Variants in PAN3 observed in about 807,000 individuals in gnomAD.
PAN3 encodes the protein poly(A) specific ribonuclease subunit PAN3.
In PAN3, 19 loss-of-function variants were observed where a neutral mutation model predicts 96.2. The observed-to-expected ratio is 0.20, with a 90% CI of 0.14 to 0.29. The LOEUF is 0.29. Among genes scored for constraint, PAN3 ranks in the 10% least tolerant of loss-of-function variants. The probability of loss-of-function intolerance (pLI) is 1.00; values close to 1 mark genes in which losing one functional copy is unlikely to be tolerated. For missense variants in PAN3, 882 were observed against 1,108.1 expected (o/e 0.80, Z 2.90); for synonymous variants, 433 against 406.6 (o/e 1.06, Z -0.78).
chr13:28,221,233 T>C (rs1042048316), intron 6 of PAN3, among the ~76,000 whole-genome samples: 1 of 152,114 alleles, frequency 6.6e-6, no homozygotes, highest in African/African-American at 2.4e-5. Context: ...TCACATTGAA[T>C]TCATAGTAAG....
intron 9 of PAN3, among the ~76,000 whole-genome samples, chr13:28,261,882 G>A (rs1362392047): frequency 6.7e-6 from 1 of 148,922 alleles, no homozygotes; most frequent in African/African-American, 2.5e-5. Context: ...TGATCATCTA[G>A]TTTATTTCTG....
intron 6 of PAN3, among the ~76,000 whole-genome samples, chr13:28,226,145 G>A (rs982785002): frequency 5.3e-5 from 8 of 152,104 alleles, no homozygotes; most frequent in Non-Finnish European, 1.0e-4. Flanking sequence ...GCGTTTTAGG[G>A]CTCTACGTTA....
rs1426808022 is a variant in PAN3, at chr13:28,260,547, G to A, written c.1349G>A (p.Arg450Gln). The change falls in exon 8 of 19, where the codon CGA becomes CAA. Residue 450 changes from arginine to glutamine, a missense_variant. Physicochemically the swap from Arg to Gln is conservative, Grantham distance 43 (BLOSUM62 1). Transcript: ENST00000380958. ...TCCTTCTTCATGGCTGATGAACTCC[G>A]ACAGGTATGCTTTCAGAATTCATAG... Reference protein sequence around the residue: ...APSFFMADELRQELINRHLIT... With the variant: ...APSFFMADELQQELINRHLIT... 3 of 1,606,520 alleles carry A rather than the reference G, an allele frequency of 1.9e-6. No individual in the cohort carries two copies. Among genetic ancestry groups the A allele is most frequent in the Non-Finnish European group, 2.6e-6 (3 of 1,173,340 alleles).
intron 1 of PAN3, among the ~76,000 whole-genome samples, chr13:28,154,398 T>TC (rs1350501991): frequency 1.6e-4 from 24 of 152,246 alleles, no homozygotes; most frequent in African/African-American, 4.3e-4. Flanking sequence ...GTTTTTTTTT[T>TC]CTTACTATAG....
At chr13:28,177,729 A>G (rs1049890820) in intron 3 of PAN3, 136 bp from the exon 4 acceptor site, 7 of 684,564 alleles carry the variant, frequency 1.0e-5, no homozygotes, top group Middle Eastern at 2.5e-4. Context: ...AAAATATTTG[A>G]ACATAACTGT....
chr13:28,233,864 C>T (rs1311909582), intron 6 of PAN3, among the ~76,000 whole-genome samples: 1 of 152,206 alleles, frequency 6.6e-6, no homozygotes, highest in African/African-American at 2.4e-5. Flanking sequence ...ATCAGAAATT[C>T]TGTTTTATTG....
At chr13:28,158,091 A>G (rs979018811) in intron 1 of PAN3, among the ~76,000 whole-genome samples, 2 of 152,224 alleles carry the variant, frequency 1.3e-5, no homozygotes, top group Non-Finnish European at 2.9e-5. Flanking sequence ...AAAACGAGCA[A>G]TGGGGAAAGG....
Position 28,138,689 on chromosome 13 carries a change from C to CGAGGGGGGCGGGA in PAN3, c.33_34insAGGGGGGCGGGAG (p.Ala12ArgfsTer47). 1 of 1,000,994 alleles carries CGAGGGGGGCGGGA rather than the reference C, an allele frequency of 1.0e-6. No homozygotes were observed. Among genetic ancestry groups the CGAGGGGGGCGGGA allele is most frequent in the South Asian group, 2.5e-5 (1 of 39,406 alleles). 62.0% of individuals were successfully genotyped at this position (1,000,994 alleles called of 1,614,324 possible). On this transcript the variant is annotated frameshift_variant, in exon 1 of 19. Coordinates refer to ENST00000380958, the MANE Select transcript of PAN3 (RefSeq NM_175854.8). LOFTEE classifies it high-confidence loss of function. ...AGTGGCGGCGGCCTCCCGCCCCCCT[C>CGAGGGGGGCGGGA]GGCCGCCGCCTCCCCTTCCTCCTCC...
chr13:28,270,839 C>G lies in PAN3; in HGVS notation c.1931C>G (p.Thr644Arg). ...AGLACRVMDP[T>R]KILITGKTRL... ...TTGGCATGTCGAGTTATGGATCCAA[C>G]AAAGATTCTGATAACTGGCAAAACA... is the stretch of plus-strand genomic sequence containing the variant. The change falls in exon 13 of 19, where the codon ACA becomes AGA. Residue 644 changes from threonine (T) to arginine (R), a missense_variant. This residue lies in a region of PAN3 where 364 missense variants were observed against 513.6 expected (regional missense o/e 0.71). Transcript: ENST00000380958. The G allele has an allele frequency of 6.2e-7, 1 of 1,613,772 alleles. No individual in the cohort carries two copies. The highest frequency in any genetic ancestry group is 8.5e-7 in the Non-Finnish European group (1 of 1,179,770).
At chr13:28,207,374 T>G (rs971282646) in intron 5 of PAN3, among the ~76,000 whole-genome samples, 1 of 152,196 alleles carries the variant, frequency 6.6e-6, no homozygotes, top group Non-Finnish European at 1.5e-5. Flanking sequence ...GGTTTCCTGC[T>G]TCTAGTCTTC....
intron 1 of PAN3, among the ~76,000 whole-genome samples, chr13:28,165,032 C>T (rs1348639627): frequency 6.6e-6 from 1 of 152,134 alleles, no homozygotes; most frequent in African/African-American, 2.4e-5. Flanking sequence ...CTCAGCCTCC[C>T]GAGTAGCTGG....
At chr13:28,232,072 T>C (rs1882627767) in intron 6 of PAN3, among the ~76,000 whole-genome samples, 1 of 152,200 alleles carries the variant, frequency 6.6e-6, no homozygotes, top group Non-Finnish European at 1.5e-5. Context: ...CCTTTATATT[T>C]ACCCAAAAGT....
chr13:28,188,444 T>G (rs1320850745), intron 4 of PAN3, among the ~76,000 whole-genome samples: 3 of 152,040 alleles, frequency 2.0e-5, no homozygotes, highest in Admixed American at 2.0e-4. Flanking sequence ...ACAAAAAATT[T>G]TAAACAGTTA....
At chr13:28,141,791 A>T (rs9579164) in intron 1 of PAN3, among the ~76,000 whole-genome samples, 26,758 of 152,022 alleles carry the variant, frequency 0.18, 4,619 homozygotes, top group African/African-American at 0.45. Context: ...CAATAGGTAG[A>T]AGGGCTGAGA....
chr13:28,213,710 A>G (rs1335434068), intron 5 of PAN3, among the ~76,000 whole-genome samples: 1 of 151,942 alleles, frequency 6.6e-6, no homozygotes, highest in Non-Finnish European at 1.5e-5. Context: ...AGCAAAAAAA[A>G]AAAAAAAAAA....
At chr13:28,211,788 CAT>C (rs1217923700) in intron 5 of PAN3, among the ~76,000 whole-genome samples, 4 of 152,310 alleles carry the variant, frequency 2.6e-5, no homozygotes, top group African/African-American at 9.6e-5. Context: ...GTTTTCAAGA[CAT>C]GAGATATCAG....
chr13:28,151,029 C>G (rs1252083581), intron 1 of PAN3, among the ~76,000 whole-genome samples: 5 of 152,088 alleles, frequency 3.3e-5, no homozygotes, highest in African/African-American at 1.2e-4. Flanking sequence ...ATAGGGATAT[C>G]AAGGTAAACC....
At chr13:28,164,209 CTT>C (rs551489788) in intron 1 of PAN3, among the ~76,000 whole-genome samples, 29 of 152,006 alleles carry the variant, frequency 1.9e-4, no homozygotes, top group Non-Finnish European at 3.5e-4. Context: ...TTTAAAATAA[CTT>C]TAAGATATTG....
chr13:28,154,828 CT>C (rs1234313000), intron 1 of PAN3, among the ~76,000 whole-genome samples: 7 of 124,926 alleles, frequency 5.6e-5, no homozygotes, highest in Admixed American at 8.3e-5. Context: ...TTTTTCTTTT[CT>C]TTTTTTTTTG....
Sources: gnomAD v4.1 joint callset for allele counts (sites outside exome capture counted in the v4.1 genomes callset) on GRCh38, gnomAD v4.1.1 for gene constraint, gnomAD v4.1.1 regional missense constraint, MANE v1.5 for transcripts, NCBI Gene and HGNC (gene_info 2026-07-23, HGNC 2026-07-21) for gene names.